The following SEMA6D variants were observed in gnomAD, a reference collection of about 807,000 sequenced individuals.
The protein encoded by SEMA6D is semaphorin 6D.
In SEMA6D, 35 loss-of-function variants were observed where a neutral mutation model predicts 106.6. That is an observed-to-expected ratio of 0.33 (90% confidence interval 0.25 to 0.44). The LOEUF (loss-of-function observed/expected upper bound fraction) is 0.44. Among genes scored for constraint, SEMA6D ranks in the 20% least tolerant of loss-of-function variants. SEMA6D has a pLI of 1.00. For synonymous variants in SEMA6D, 499 were observed against 487.7 expected (o/e 1.02, Z -0.31); for missense variants, 1,185 against 1,345.9 (o/e 0.88, Z 1.87).
intron 1 of SEMA6D, among the ~76,000 whole-genome samples, chr15:47,370,254 C>T (rs571115706): frequency 6.6e-5 from 10 of 152,262 alleles, no homozygotes; most frequent in African/African-American, 2.4e-4. Flanking sequence ...GTGGTTCACA[C>T]CTGTAATTTC....
intron 3 of SEMA6D, among the ~76,000 whole-genome samples, chr15:47,597,000 A>G (rs2076550068): frequency 6.6e-6 from 1 of 152,136 alleles, no homozygotes; most frequent in African/African-American, 2.4e-5. Flanking sequence ...AAACCTACAG[A>G]TTGAGAGAAA....
At chr15:47,677,118 CCA>C (rs1566978917) in intron 4 of SEMA6D, among the ~76,000 whole-genome samples, 1 of 152,122 alleles carries the variant, frequency 6.6e-6, no homozygotes, top group East Asian at 1.9e-4. Flanking sequence ...CGCTCACCCA[CCA>C]CTCACCTCCT....
chr15:47,313,771 G>T (rs2036535157), intron 1 of SEMA6D, among the ~76,000 whole-genome samples: 1 of 152,144 alleles, frequency 6.6e-6, no homozygotes, highest in Non-Finnish European at 1.5e-5. Context: ...GCTGTGTTGT[G>T]CAGGCTGCTC....
chr15:47,248,425 T>G (rs968478194), intron 1 of SEMA6D, among the ~76,000 whole-genome samples: 5 of 152,128 alleles, frequency 3.3e-5, no homozygotes, highest in Non-Finnish European at 7.4e-5. Context: ...TCATTCCCCG[T>G]CCTACAGAAA....
intron 2 of SEMA6D, among the ~76,000 whole-genome samples, chr15:47,459,276 G>T (rs1490787590): frequency 6.6e-6 from 1 of 151,994 alleles, no homozygotes; most frequent in African/African-American, 2.4e-5. Context: ...GCAGCCTTCA[G>T]ACAACAGCCT....
At chr15:47,749,423 G>A (rs1174670368) in intron 1 of SEMA6D, among the ~76,000 whole-genome samples, 1 of 152,046 alleles carries the variant, frequency 6.6e-6, no homozygotes, top group Non-Finnish European at 1.5e-5. Flanking sequence ...TTGGCTACAT[G>A]CTTTATATAG....
intron 1 of SEMA6D, among the ~76,000 whole-genome samples, chr15:47,336,563 G>A (rs1427254703): frequency 1.3e-5 from 2 of 152,080 alleles, no homozygotes; most frequent in Admixed American, 1.3e-4. Flanking sequence ...CCCTATGATC[G>A]AAGGACACTG....
At chr15:47,553,949 AG>A (rs1271647652) in intron 3 of SEMA6D, among the ~76,000 whole-genome samples, 2 of 152,202 alleles carry the variant, frequency 1.3e-5, no homozygotes, top group Admixed American at 1.3e-4. Context: ...GAAGGATGAC[AG>A]CCAGAGTGTG....
At chr15:47,682,538 C>T (rs936669970) in intron 4 of SEMA6D, among the ~76,000 whole-genome samples, 3 of 152,166 alleles carry the variant, frequency 2.0e-5, no homozygotes, top group African/African-American at 7.2e-5. Context: ...CAAATCACAA[C>T]TGAAAATATG....
chr15:47,199,637 T>G (rs1267131508), intron 1 of SEMA6D, among the ~76,000 whole-genome samples: 2 of 152,130 alleles, frequency 1.3e-5, no homozygotes, highest in Non-Finnish European at 2.9e-5. Context: ...AGCTAGAAAT[T>G]TATTTATTCC....
intron 1 of SEMA6D, among the ~76,000 whole-genome samples, chr15:47,278,062 A>G (rs944287478): frequency 4.0e-5 from 6 of 151,666 alleles, no homozygotes; most frequent in East Asian, 1.9e-4. Context: ...GAATAATGCC[A>G]CAATAAACAT....
intron 1 of SEMA6D, among the ~76,000 whole-genome samples, chr15:47,214,292 G>C (rs1030413221): frequency 6.6e-6 from 1 of 152,138 alleles, no homozygotes; most frequent in East Asian, 1.9e-4. Flanking sequence ...CTTGTTGACA[G>C]AGAGAAGGGA....
intron 3 of SEMA6D, among the ~76,000 whole-genome samples, chr15:47,578,003 G>A (rs1411924203): frequency 6.6e-6 from 1 of 152,192 alleles, no homozygotes; most frequent in Non-Finnish European, 1.5e-5. Context: ...TTTATAGATA[G>A]TAACAGTGTT....
intron 4 of SEMA6D, among the ~76,000 whole-genome samples, chr15:47,686,581 G>A (rs2078474240): frequency 6.6e-6 from 1 of 152,124 alleles, no homozygotes; most frequent in Non-Finnish European, 1.5e-5. Context: ...TACCAAACTT[G>A]GTGAGACCCT....
chr15:47,642,096 C>G (rs1213897541), intron 4 of SEMA6D, among the ~76,000 whole-genome samples: 1 of 152,134 alleles, frequency 6.6e-6, no homozygotes, highest in Non-Finnish European at 1.5e-5. Flanking sequence ...TGGAGGAAGC[C>G]CACCTAACTT....
chr15:47,699,324 T>C (rs1473383061), intron 4 of SEMA6D, among the ~76,000 whole-genome samples: 1 of 152,206 alleles, frequency 6.6e-6, no homozygotes, highest in Admixed American at 6.5e-5. Flanking sequence ...TTGCCCTTGC[T>C]ATTTTGTCTT....
chr15:47,654,595 T>C (rs1176235068), intron 4 of SEMA6D, among the ~76,000 whole-genome samples: 1 of 151,974 alleles, frequency 6.6e-6, no homozygotes, highest in African/African-American at 2.4e-5. Flanking sequence ...TGGTGGGAGG[T>C]GATTGGATCA....
Position 47,603,023 on chromosome 15 carries a change from T to C in SEMA6D, c.-55+2127T>C, listed in dbSNP as rs183471855. ...AGAGAATGAGAAATGGAAATGATATTGGGCACTGTGACTAAGATTGATAAA... is the reference window on the plus strand; with the variant it reads ...AGAGAATGAGAAATGGAAATGATATCGGGCACTGTGACTAAGATTGATAAA... On this transcript the variant is annotated intron_variant, in intron 4 of 19. Transcript: ENST00000558014. 2.0e-5 allele frequency among the ~76,000 whole-genome samples: 3 copies of C among 152,308 alleles called. No homozygotes were observed. The East Asian group carries it at 5.8e-4, about 29-fold the overall frequency.
chr15:47,227,928 A>ATAAGAATCTTATATATATTTTTATATG (rs1566938413), intron 1 of SEMA6D, among the ~76,000 whole-genome samples: 2,490 of 136,026 alleles, frequency 0.018, 163 homozygotes, highest in African/African-American at 0.065. Flanking sequence ...TTTTATATAT[A>ATAAGAATCTTATATATATTTTTATATG]TAAGAATCTT....
Sources: allele counts gnomAD v4.1 joint callset (sites outside exome capture counted in the v4.1 genomes callset), GRCh38; gene constraint gnomAD v4.1.1; transcripts MANE v1.5; gene names NCBI Gene and HGNC (gene_info 2026-07-23, HGNC 2026-07-21).